The following RAI14 variants were observed in gnomAD, a reference collection of about 807,000 sequenced individuals.
RAI14 encodes the protein ankycorbin.
A neutral mutation model predicts 115.4 loss-of-function variants in RAI14; 45 were observed. The ratio of observed to expected loss-of-function variants is 0.39; its 90% CI spans 0.31 to 0.50. RAI14 has a LOEUF of 0.50. RAI14 is among the 20% of genes least tolerant of loss of function. RAI14 has a pLI of 0.85. For missense variants in RAI14, 939 were observed against 1,131.2 expected (o/e 0.83, Z 2.44); for synonymous variants, 371 against 415.4 (o/e 0.89, Z 1.30).
chr5:34,760,964 A>G (rs149139599), intron 3 of RAI14, among the ~76,000 whole-genome samples: 4 of 152,208 alleles, frequency 2.6e-5, no homozygotes, highest in African/African-American at 7.2e-5. Context: ...TGCTCTGGAT[A>G]TTTTTTATAA....
chr5:34,686,715 T>A (rs901667075), intron 1 of RAI14, 157 bp from the exon 2 acceptor site: 20 of 397,800 alleles, frequency 5.0e-5, no homozygotes, highest in Non-Finnish European at 7.6e-5. Context: ...AAGTATATCG[T>A]AAGTGGAAAT....
chr5:34,811,157 A>G, intron 8 of RAI14, 39 bp downstream of exon 8: 1 of 1,590,996 alleles, frequency 6.3e-7, no homozygotes, highest in Non-Finnish European at 8.6e-7. Flanking sequence ...GACTTCAGTG[A>G]TACCCACATT....
chr5:34,829,743 A>C lies in RAI14; in HGVS notation c.2811A>C (p.Lys937Asn). 1 of 1,611,280 alleles carries C rather than the reference A, an allele frequency of 6.2e-7. No homozygotes were observed. The highest frequency in any genetic ancestry group is 8.5e-7 in the Non-Finnish European group (1 of 1,178,166). The change falls in exon 17 of 18, where the codon AAA (lysine) becomes AAC (asparagine). Residue 937 changes from lysine (K) to asparagine (N), a missense_variant. Coordinates refer to ENST00000265109, the MANE Select transcript of RAI14 (RefSeq NM_015577.3). ...QLQNQLAECKKQHQEVISVYR... is the reference protein window; with the variant it reads ...QLQNQLAECKNQHQEVISVYR... Reference sequence around the variant, plus strand: ...TATTCCCTTTCTAGGAATGCAAGAAACAACACCAGGAGGTCATATCAGTTT... The same window carrying C: ...TATTCCCTTTCTAGGAATGCAAGAACCAACACCAGGAGGTCATATCAGTTT...
chr5:34,687,026 C>T, intron 2 of RAI14, 71 bp downstream of exon 2: 1 of 1,545,052 alleles, frequency 6.5e-7, no homozygotes, highest in Non-Finnish European at 8.9e-7. Context: ...CTCCTCCCCA[C>T]CTTGATAAGG....
At chr5:34,829,546 T>C (rs1056053429) in intron 16 of RAI14, among the ~76,000 whole-genome samples, 186 bp from the exon 17 acceptor site, 2 of 152,154 alleles carry the variant, frequency 1.3e-5, no homozygotes, top group Non-Finnish European at 1.5e-5. Context: ...TTCCCTAAGA[T>C]GATTGACAAG....
At chr5:34,729,270 G>A (rs1485994092) in intron 2 of RAI14, among the ~76,000 whole-genome samples, 1 of 151,952 alleles carries the variant, frequency 6.6e-6, no homozygotes, top group Non-Finnish European at 1.5e-5. Flanking sequence ...GATTGCTTGA[G>A]CCCGGGAAGT....
intron 2 of RAI14, among the ~76,000 whole-genome samples, chr5:34,756,243 G>C (rs903800718): frequency 6.6e-6 from 1 of 152,118 alleles, no homozygotes; most frequent in African/African-American, 2.4e-5. Context: ...ACATACTCCC[G>C]GGGCCGTGGA....
chr5:34,779,443 G>A (rs1040312830), intron 3 of RAI14, among the ~76,000 whole-genome samples: 22 of 152,194 alleles, frequency 1.4e-4, no homozygotes, highest in Admixed American at 1.2e-3. Context: ...GTCCCTGTTT[G>A]CAGATGACAT....
intron 16 of RAI14, 105 bp downstream of exon 16, chr5:34,826,584 C>T: frequency 7.2e-7 from 1 of 1,396,720 alleles, no homozygotes. Context: ...AGATTCCCAG[C>T]CCAAAGGAAT....
At chr5:34,682,610 C>A (rs925050287) in intron 1 of RAI14, among the ~76,000 whole-genome samples, 1 of 152,108 alleles carries the variant, frequency 6.6e-6, no homozygotes, top group Non-Finnish European at 1.5e-5. Context: ...ACGTAACATC[C>A]ATTCTGTGAT....
chr5:34,766,794 T>C (rs1236840766), intron 3 of RAI14, among the ~76,000 whole-genome samples: 1 of 152,152 alleles, frequency 6.6e-6, no homozygotes, highest in African/African-American at 2.4e-5. Context: ...ATGATATGAT[T>C]TGGCTCTGTG....
chr5:34,806,330 C>T (rs1189231625), intron 5 of RAI14, among the ~76,000 whole-genome samples: 1 of 151,982 alleles, frequency 6.6e-6, no homozygotes, highest in South Asian at 2.1e-4. Flanking sequence ...GACTGCAGTT[C>T]ATCCTAAGTA....
intron 2 of RAI14, among the ~76,000 whole-genome samples, chr5:34,727,907 A>G (rs1743673470): frequency 6.6e-6 from 1 of 152,194 alleles, no homozygotes; most frequent in Non-Finnish European, 1.5e-5. Context: ...CCACTGGGGC[A>G]CTGCCTACTG....
intron 3 of RAI14, among the ~76,000 whole-genome samples, chr5:34,765,388 G>T (rs529946817): frequency 2.0e-5 from 3 of 152,180 alleles, no homozygotes; most frequent in Admixed American, 2.0e-4. Flanking sequence ...TGCTGATAGC[G>T]ATATGGACAA....
intron 2 of RAI14, among the ~76,000 whole-genome samples, chr5:34,720,031 T>A (rs1271998661): frequency 6.6e-6 from 1 of 152,190 alleles, no homozygotes; most frequent in Non-Finnish European, 1.5e-5. Flanking sequence ...AAAGTTGTAG[T>A]GTTTGGAAAG....
intron 1 of RAI14, among the ~76,000 whole-genome samples, chr5:34,680,656 T>C (rs144596901): frequency 1.4e-3 from 209 of 152,314 alleles, no homozygotes; most frequent in African/African-American, 4.9e-3. Flanking sequence ...AGGAGTCCCC[T>C]ATCTTGTGAG....
At chr5:34,771,268 G>A (rs1460147691) in intron 3 of RAI14, among the ~76,000 whole-genome samples, 1 of 152,182 alleles carries the variant, frequency 6.6e-6, no homozygotes, top group East Asian at 1.9e-4. Flanking sequence ...TGCTGGTAGG[G>A]TCGTGTATGG....
intron 3 of RAI14, among the ~76,000 whole-genome samples, chr5:34,760,927 A>C (rs1748571116): frequency 6.6e-6 from 1 of 152,170 alleles, no homozygotes; most frequent in Non-Finnish European, 1.5e-5. Context: ...GGCAACCATG[A>C]ATCTGGGTTC....
At chr5:34,822,250 G>GTATATATATA (rs376790121) in intron 14 of RAI14, among the ~76,000 whole-genome samples, 4,644 of 134,548 alleles carry the variant, frequency 0.035, 129 homozygotes, top group African/African-American at 0.075. Context: ...ATGTGTGTAT[G>GTATATATATA]TATATATATA....
Sources: allele counts gnomAD v4.1 joint callset (sites outside exome capture counted in the v4.1 genomes callset), GRCh38; gene constraint gnomAD v4.1.1; transcripts MANE v1.5; gene names NCBI Gene and HGNC (gene_info 2026-07-23, HGNC 2026-07-21).